Variants in CAPN14 observed in about 807,000 individuals in gnomAD.
CAPN14 encodes the protein calpain-14.
CAPN14 carries 94 observed loss-of-function variants against 101.3 expected under a neutral mutation model. The ratio of observed to expected loss-of-function variants is 0.93; its 90% CI spans 0.79 to 1.10. CAPN14 has a LOEUF of 1.10. Ranked by LOEUF, CAPN14 falls within the 50% of genes least tolerant of loss-of-function variation. CAPN14 has a pLI of 0.00. For missense variants in CAPN14, 837 were observed against 828.4 expected (o/e 1.01, Z -0.13); for synonymous variants, 338 against 317.9 (o/e 1.06, Z -0.67).
chr2:31,198,286 G>A (rs1486331713), intron 7 of CAPN14, among the ~76,000 whole-genome samples: 1 of 152,254 alleles, frequency 6.6e-6, no homozygotes, highest in South Asian at 2.1e-4. Flanking sequence ...CTTTCCAGAC[G>A]GAATCAAATG....
rs993222536 is a variant in CAPN14, at chr2:31,230,391, T to C, written c.-177+3400A>G. ...CGCCTTGAAATAGAATGGAAGGAGA[T>C]AGGTCATAGGACATGCACATCTTCA... On this transcript the variant is annotated intron_variant and NMD_transcript_variant, in intron 1 of 21. Transcript: ENST00000398824. This position sits in a 1 kb window ranked among gnomAD's most constrained non-coding sequence, Gnocchi z 4.3. Among the ~76,000 whole-genome samples, 2 of 152,204 alleles carry C rather than the reference T, an allele frequency of 1.3e-5. No homozygotes were observed. Among genetic ancestry groups the C allele is most frequent in the African/African-American group, 4.8e-5 (2 of 41,444 alleles).
intron 8 of CAPN14, among the ~76,000 whole-genome samples, chr2:31,195,525 C>T (rs1214996635): frequency 5.9e-5 from 9 of 152,110 alleles, no homozygotes; most frequent in Non-Finnish European, 1.2e-4. Flanking sequence ...TTAGTAGAGA[C>T]GTGGTTTTAC....
At chr2:31,198,841 A>T (rs934951917) in intron 7 of CAPN14, among the ~76,000 whole-genome samples, 2 of 152,096 alleles carry the variant, frequency 1.3e-5, no homozygotes, top group Non-Finnish European at 2.9e-5. Flanking sequence ...AAATCTATCC[A>T]TTACAAGGAC....
At chr2:31,176,491 G>A in intron 21 of CAPN14, 96 bp downstream of exon 21, 2 of 855,254 alleles carry the variant, frequency 2.3e-6, no homozygotes, top group Non-Finnish European at 3.8e-6. Flanking sequence ...GCAGAATAAA[G>A]TGTCCCCAGA....
At chr2:31,228,569 C>G (rs1190498796) in intron 1 of CAPN14, among the ~76,000 whole-genome samples, 1 of 152,130 alleles carries the variant, frequency 6.6e-6, no homozygotes, top group African/African-American at 2.4e-5. Context: ...TATTAGGTGC[C>G]AGCATATTAA....
chr2:31,210,700 T>C (rs1323104477), intron 1 of CAPN14, among the ~76,000 whole-genome samples: 1 of 152,190 alleles, frequency 6.6e-6, no homozygotes, highest in Admixed American at 6.5e-5. Context: ...TTTTAATGTA[T>C]ACTTTTAGAG....
In CAPN14 at chr2:31,189,699, A is replaced by T. The variant is rs182104540; in HGVS notation, c.1288-221T>A. 6 of 651,150 alleles carry T rather than the reference A, an allele frequency of 9.2e-6. No individual in the cohort carries two copies. In the East Asian group the frequency reaches 1.2e-4, roughly 13 times the overall value. The allele number at this position is 651,150 out of a possible 1,614,324, so 40.3% of individuals were successfully genotyped here. A position where few individuals can be genotyped will look rare whatever the true frequency, so the allele number is the denominator to read the frequency against. On this transcript the variant is annotated intron_variant, in intron 12 of 21. Coordinates refer to ENST00000403897, the MANE Select transcript of CAPN14 (RefSeq NM_001145122.2). ...GGAACCTATCAGGGGCTACATAAAC[A>T]CGTGTCATTTGATTTGACTTACCTT... is the stretch of plus-strand genomic sequence containing the variant.
upstream of CAPN14, among the ~76,000 whole-genome samples, chr2:31,221,848 G>A (rs1236664739): frequency 6.6e-6 from 1 of 152,168 alleles, no homozygotes; most frequent in Non-Finnish European, 1.5e-5. Flanking sequence ...AGAAAAGAGG[G>A]ACAAAGTGCC....
At chr2:31,202,946 T>C in intron 3 of CAPN14, 124 bp downstream of exon 3, 1 of 737,648 alleles carries the variant, frequency 1.4e-6, no homozygotes, top group Non-Finnish European at 2.3e-6. Flanking sequence ...TGCCAGTGAA[T>C]AGCCATTTTG....
chr2:31,194,313 G>A (rs1372152152), intron 9 of CAPN14, 96 bp downstream of exon 9: 1 of 851,310 alleles, frequency 1.2e-6, no homozygotes, highest in Admixed American at 2.0e-5. Flanking sequence ...CTCTGTACAT[G>A]AAGTTCCTGG....
At chr2:31,208,170 A>C (rs543741903) in intron 1 of CAPN14, among the ~76,000 whole-genome samples, 8 of 151,092 alleles carry the variant, frequency 5.3e-5, no homozygotes, top group South Asian at 2.1e-4. Flanking sequence ...TCCAAAAAAA[A>C]ACTCCAAAAA....
intron 1 of CAPN14, among the ~76,000 whole-genome samples, chr2:31,211,671 G>GCGCA (rs1553397698): frequency 6.7e-6 from 1 of 149,344 alleles, no homozygotes; most frequent in Non-Finnish European, 1.5e-5. Flanking sequence ...GTGTGCATGT[G>GCGCA]CACACACACA....
chr2:31,225,346 T>G (rs930063923), intron 2 of CAPN14, among the ~76,000 whole-genome samples: 4 of 151,992 alleles, frequency 2.6e-5, no homozygotes, highest in African/African-American at 7.2e-5. Flanking sequence ...TATTTTAAAA[T>G]AATAACATAC....
intron 7 of CAPN14, among the ~76,000 whole-genome samples, 188 bp from the exon 8 acceptor site, chr2:31,197,522 C>T (rs1353260624): frequency 1.3e-5 from 2 of 152,164 alleles, no homozygotes; most frequent in Non-Finnish European, 2.9e-5. Flanking sequence ...AATCAGCTAA[C>T]CTCTCTGTGT....
chr2:31,205,760 T>A (rs1226141825), intron 1 of CAPN14, among the ~76,000 whole-genome samples: 9 of 151,914 alleles, frequency 5.9e-5, no homozygotes, highest in African/African-American at 2.2e-4. Flanking sequence ...CAGGGCTGAG[T>A]CCTGGGCCCC....
At position 31,209,553 on chromosome 2, in the gene CAPN14, C is replaced by T. The variant is rs372080282; in HGVS notation, c.-52-4054G>A. 2.5e-3 allele frequency among the ~76,000 whole-genome samples: 388 copies of T among 152,288 alleles called. 4 individuals carry two copies. Among genetic ancestry groups the T allele is most frequent in the South Asian group, 0.025 (121 of 4,828 alleles). On this transcript the variant is annotated intron_variant, in intron 1 of 21. Coordinates refer to ENST00000403897, the MANE Select transcript of CAPN14 (RefSeq NM_001145122.2). The stretch of plus-strand genomic sequence containing the variant: ...CAGCGCAAACTCCAAACCCCAATCC[C>T]TGTATACAGGCAGGGTTTCCTTGTC...
intron 2 of CAPN14, among the ~76,000 whole-genome samples, chr2:31,225,168 T>C (rs1432886565): frequency 6.6e-6 from 1 of 151,966 alleles, no homozygotes; most frequent in Non-Finnish European, 1.5e-5. Context: ...AAATAGACAA[T>C]CAGAAAAATA....
At position 31,223,970 on chromosome 2, in the gene CAPN14, A is replaced by G. The variant is rs150996109; in HGVS notation, c.-53+2558T>C. Among the ~76,000 whole-genome samples, 934 of 152,256 alleles carry G rather than the reference A, an allele frequency of 6.1e-3. 13 individuals are homozygous for G. The highest frequency in any genetic ancestry group is 0.022 in the African/African-American group (898 of 41,536). On this transcript the variant is annotated intron_variant and NMD_transcript_variant, in intron 2 of 21. Transcript: ENST00000398824. ...TCAATGTTGATAGTCATTTTTTCCT[A>G]TGTTTGTTTTCATACAGCCTGAATC...
At chr2:31,177,442 C>A (rs993538316) in intron 19 of CAPN14, among the ~76,000 whole-genome samples, 4 of 152,148 alleles carry the variant, frequency 2.6e-5, no homozygotes, top group African/African-American at 9.7e-5. Context: ...TGCTTGGGAG[C>A]CCGGCAGTCC....
Sources: gnomAD v4.1 joint callset for allele counts (sites outside exome capture counted in the v4.1 genomes callset) on GRCh38, gnomAD v4.1.1 for gene constraint, Gnocchi (gnomAD v3.1) non-coding constraint, MANE v1.5 for transcripts, NCBI Gene and HGNC (gene_info 2026-07-23, HGNC 2026-07-21) for gene names.